CDKAL1: variants seen among roughly 807,000 people sequenced by gnomAD.
CDKAL1 encodes the protein CDKAL1 threonylcarbamoyladenosine tRNA methylthiotransferase.
In CDKAL1, 32 loss-of-function variants were observed where a neutral mutation model predicts 68.2. That is an observed-to-expected ratio of 0.47 (90% confidence interval 0.35 to 0.63). The LOEUF (loss-of-function observed/expected upper bound fraction) is 0.63, where lower values mean the gene tolerates loss of function less well. Ranked by LOEUF, CDKAL1 falls within the 30% of genes least tolerant of loss-of-function variation. The pLI is 0.00. For synonymous variants in CDKAL1, 234 were observed against 244.3 expected (o/e 0.96, Z 0.39); for missense variants, 606 against 696.7 (o/e 0.87, Z 1.47).
At chr6:21,000,429 G>T in intron 11 of CDKAL1, 57 bp downstream of exon 11, 1 of 1,467,914 alleles carries the variant, frequency 6.8e-7, no homozygotes, top group South Asian at 1.2e-5. Flanking sequence ...AAAAGCTTGT[G>T]GCAAAAATGC....
intron 12 of CDKAL1, among the ~76,000 whole-genome samples, chr6:21,103,719 A>C (rs1266168075): frequency 6.6e-6 from 1 of 152,132 alleles, no homozygotes; most frequent in African/African-American, 2.4e-5. Context: ...TTTGGGGAAA[A>C]ATATTTGCCA....
intron 5 of CDKAL1, among the ~76,000 whole-genome samples, chr6:20,651,333 A>G (rs1237958117): frequency 6.6e-6 from 1 of 152,126 alleles, no homozygotes; most frequent in African/African-American, 2.4e-5. Context: ...ATGGGAGTTC[A>G]TTCATGATTT....
chr6:21,192,664 A>G (rs1448735458), intron 13 of CDKAL1, among the ~76,000 whole-genome samples: 1 of 152,194 alleles, frequency 6.6e-6, no homozygotes, highest in Non-Finnish European at 1.5e-5. Context: ...TTGTATTCTC[A>G]ACAGAAGCTT....
intron 11 of CDKAL1, among the ~76,000 whole-genome samples, chr6:21,064,287 C>G (rs1771297403): frequency 6.6e-6 from 1 of 151,938 alleles, no homozygotes; most frequent in African/African-American, 2.4e-5. Flanking sequence ...ATTAAGAAGA[C>G]TTAGGATCCG....
intron 5 of CDKAL1, among the ~76,000 whole-genome samples, chr6:20,689,737 C>T (rs1032420630): frequency 1.3e-5 from 2 of 152,066 alleles, no homozygotes; most frequent in Admixed American, 6.5e-5. Flanking sequence ...TTTCATGTAT[C>T]TGTGCTCTAA....
intron 8 of CDKAL1, among the ~76,000 whole-genome samples, chr6:20,810,305 A>G (rs1386790060): frequency 1.3e-5 from 2 of 151,382 alleles, no homozygotes; most frequent in Non-Finnish European, 2.9e-5. Context: ...GAGTTGTTGT[A>G]TCATTTAATT....
At chr6:20,557,681 C>G (rs1764111242) in intron 4 of CDKAL1, among the ~76,000 whole-genome samples, 1 of 152,160 alleles carries the variant, frequency 6.6e-6, no homozygotes, top group Non-Finnish European at 1.5e-5. Context: ...AATCCCAGCA[C>G]TTTGGGAGGC....
At chr6:21,131,442 A>C (rs993750469) in intron 13 of CDKAL1, among the ~76,000 whole-genome samples, 1 of 152,206 alleles carries the variant, frequency 6.6e-6, no homozygotes, top group Non-Finnish European at 1.5e-5. Context: ...TTGTTAGGCC[A>C]TTTTGGCGAT....
At position 20,774,442 on chromosome 6, in the gene CDKAL1, CTATTT is replaced by C. The variant is rs556770319; in HGVS notation, c.518-6702_518-6698del. Among the ~76,000 whole-genome samples the C allele has an allele frequency of 3.7e-4, 57 of 152,204 alleles. No individual in the cohort carries two copies. In the East Asian group the frequency reaches 0.011, roughly 29 times the overall value. On this transcript the variant is annotated intron_variant, in intron 7 of 15. Transcript: ENST00000274695. ...TTATGTTCGGGGAGGTGGTTCTTTT[CTATTT>C]GTGAGTGACCTTTATGATTGGCTTC...
chr6:20,896,668 A>G (rs1168990429), intron 9 of CDKAL1, among the ~76,000 whole-genome samples: 1 of 152,152 alleles, frequency 6.6e-6, no homozygotes, highest in Non-Finnish European at 1.5e-5. Flanking sequence ...AAACTCATCA[A>G]ATTAATGTGG....
intron 9 of CDKAL1, among the ~76,000 whole-genome samples, chr6:20,872,755 T>C (rs1032745240): frequency 1.3e-5 from 2 of 152,154 alleles, no homozygotes; most frequent in South Asian, 2.1e-4. Flanking sequence ...AGGGAAGACA[T>C]TGGAGACGAA....
chr6:21,014,858 G>A (rs1170467476), intron 11 of CDKAL1, among the ~76,000 whole-genome samples: 1 of 152,166 alleles, frequency 6.6e-6, no homozygotes, highest in Non-Finnish European at 1.5e-5. Context: ...AGCTGTCTGT[G>A]TTGAGTGACT....
In CDKAL1 at chr6:20,605,364, G is replaced by C. The variant is rs184775594; in HGVS notation, c.287-43929G>C. Among the ~76,000 whole-genome samples the C allele has an allele frequency of 2.4e-4, 36 of 152,164 alleles. No homozygotes were observed. In the East Asian group the frequency reaches 4.4e-3, roughly 19 times the overall value. On this transcript the variant is annotated intron_variant, in intron 4 of 15. Transcript: ENST00000274695. Reference sequence around the variant, plus strand: ...TCTGGGTCTTCTTTTTAATATCCTCGAGTTCTATGCTTAATTTTTGGGTAC... The same window carrying C: ...TCTGGGTCTTCTTTTTAATATCCTCCAGTTCTATGCTTAATTTTTGGGTAC...
chr6:20,897,261 A>T (rs879607046), intron 9 of CDKAL1, among the ~76,000 whole-genome samples: 10 of 152,216 alleles, frequency 6.6e-5, no homozygotes, highest in Non-Finnish European at 8.8e-5. Context: ...ACTTGTAGAC[A>T]TTTGTTCAGA....
intron 11 of CDKAL1, among the ~76,000 whole-genome samples, chr6:21,033,503 G>A (rs1364417941): frequency 2.0e-5 from 3 of 152,114 alleles, no homozygotes; most frequent in African/African-American, 7.2e-5. Flanking sequence ...GGACATGGAG[G>A]ATAGGCTTTA....
intron 13 of CDKAL1, among the ~76,000 whole-genome samples, chr6:21,165,645 A>G (rs1777121552): frequency 6.6e-6 from 1 of 152,172 alleles, no homozygotes; most frequent in Non-Finnish European, 1.5e-5. Flanking sequence ...AGTATTTTCC[A>G]TTTCATTCAA....
At chr6:20,730,962 A>G (rs932054669) in intron 5 of CDKAL1, among the ~76,000 whole-genome samples, 1 of 152,092 alleles carries the variant, frequency 6.6e-6, no homozygotes, top group East Asian at 1.9e-4. Flanking sequence ...GTTGAGGCAG[A>G]TGAAGGAAAG....
At chr6:20,825,102 T>A (rs1177546600) in intron 8 of CDKAL1, among the ~76,000 whole-genome samples, 1 of 148,874 alleles carries the variant, frequency 6.7e-6, no homozygotes, top group Non-Finnish European at 1.5e-5. Flanking sequence ...CTGAAATGAT[T>A]GATTAGTTCT....
intron 8 of CDKAL1, among the ~76,000 whole-genome samples, chr6:20,794,487 T>G (rs1238044831): frequency 6.6e-6 from 1 of 152,130 alleles, no homozygotes; most frequent in Non-Finnish European, 1.5e-5. Context: ...ACCCTTTTAA[T>G]TAGGGGTAGA....
Sources: gnomAD v4.1 joint callset for allele counts (sites outside exome capture counted in the v4.1 genomes callset) on GRCh38, gnomAD v4.1.1 for gene constraint, MANE v1.5 for transcripts, NCBI Gene and HGNC (gene_info 2026-07-23, HGNC 2026-07-21) for gene names.